Variants in MSRA observed in about 807,000 individuals in gnomAD.
MSRA encodes mitochondrial peptide methionine sulfoxide reductase.
Under a neutral mutation model 31.3 loss-of-function variants are expected in MSRA, and 54 were observed. The observed-to-expected ratio is 1.73, with a 90% confidence interval of 1.39 to 2.17. The LOEUF (loss-of-function observed/expected upper bound fraction) is 2.17. Ranked by LOEUF, MSRA falls within the 30% of genes most tolerant of loss-of-function variation. The pLI is 0.00. For missense variants in MSRA, 507 were observed against 300.9 expected, an observed-to-expected ratio of 1.69 and a Z score of -5.07; for synonymous variants, 169 against 116.5, an observed-to-expected ratio of 1.45 and a Z score of -2.90.
chr8:10,212,469 C>T (rs1407519613), intron 2 of MSRA, among the ~76,000 whole-genome samples: 1 of 152,090 alleles, frequency 6.6e-6, no homozygotes, highest in Non-Finnish European at 1.5e-5. Flanking sequence ...GAAAAAATTG[C>T]AATGACATAG....
At chr8:10,252,219 A>C (rs1451133465) in intron 3 of MSRA, among the ~76,000 whole-genome samples, 1 of 152,212 alleles carries the variant, frequency 6.6e-6, no homozygotes, top group East Asian at 1.9e-4. Context: ...AGGGTTGAAA[A>C]TGTGCTTGTC....
At chr8:10,338,538 T>C (rs1185055293) in intron 5 of MSRA, among the ~76,000 whole-genome samples, 1 of 152,238 alleles carries the variant, frequency 6.6e-6, no homozygotes, top group Non-Finnish European at 1.5e-5. Context: ...TTGGCTTTGC[T>C]AACTGGCTTC....
intron 5 of MSRA, among the ~76,000 whole-genome samples, chr8:10,331,107 G>A (rs13249929): frequency 0.3 from 44,996 of 152,116 alleles, 7,059 homozygotes; most frequent in East Asian, 0.4. Flanking sequence ...CCTGAGAAGA[G>A]GACTTGGAAT....
chr8:10,148,939 T>C (rs1025308456), intron 1 of MSRA, among the ~76,000 whole-genome samples: 8 of 147,050 alleles, frequency 5.4e-5, no homozygotes, highest in Admixed American at 2.1e-4. Context: ...ATCTGGCGAT[T>C]GTGTGTGTCG....
intron 3 of MSRA, among the ~76,000 whole-genome samples, chr8:10,254,880 G>A (rs1188086896): frequency 6.6e-6 from 1 of 152,216 alleles, no homozygotes; most frequent in African/African-American, 2.4e-5. Flanking sequence ...TAGAGATCTG[G>A]AAGCGTTTAG....
At chr8:10,340,539 G>C (rs911516647) in intron 5 of MSRA, among the ~76,000 whole-genome samples, 1 of 152,180 alleles carries the variant, frequency 6.6e-6, no homozygotes, top group Non-Finnish European at 1.5e-5. Flanking sequence ...CGCCCAGCTA[G>C]TTTTTGTATT....
chr8:10,378,487 A>T (rs1267968284), intron 5 of MSRA, among the ~76,000 whole-genome samples: 1 of 152,206 alleles, frequency 6.6e-6, no homozygotes, highest in Non-Finnish European at 1.5e-5. Flanking sequence ...TGGCATCTCC[A>T]GTGACCTTGC....
intron 1 of MSRA, chr8:10,095,759 A>G (rs1156500671): frequency 5.2e-6 from 6 of 1,147,838 alleles, no homozygotes; most frequent in African/African-American, 1.6e-5. Context: ...CTCTTGGGCT[A>G]TTTGAAAGTG....
intron 5 of MSRA, among the ~76,000 whole-genome samples, chr8:10,341,445 C>A (rs1195349422): frequency 6.6e-6 from 1 of 152,218 alleles, no homozygotes; most frequent in Non-Finnish European, 1.5e-5. Context: ...CCAAGCCATT[C>A]ATGAAGCATC....
intron 2 of MSRA, among the ~76,000 whole-genome samples, chr8:10,232,997 G>T (rs113458156): frequency 6.6e-5 from 10 of 152,196 alleles, no homozygotes; most frequent in Admixed American, 6.5e-4. Flanking sequence ...TCCTTCAGAA[G>T]TTCCTAGGGG....
intron 1 of MSRA, among the ~76,000 whole-genome samples, chr8:10,156,714 G>T (rs1804184229): frequency 6.6e-6 from 1 of 151,458 alleles, no homozygotes. Flanking sequence ...TGTGAATGCT[G>T]ATTCACTTCT....
intron 1 of MSRA, among the ~76,000 whole-genome samples, chr8:10,067,883 T>G (rs1585078664): frequency 1.6e-5 from 2 of 121,798 alleles, no homozygotes; most frequent in East Asian, 4.2e-4. Context: ...AGTTTTTTTT[T>G]TTTTTTTTTT....
chr8:10,100,096 G>A (rs1238182946), intron 1 of MSRA, among the ~76,000 whole-genome samples: 1 of 152,176 alleles, frequency 6.6e-6, no homozygotes, highest in Non-Finnish European at 1.5e-5. Context: ...GGCCTTTGAG[G>A]GAGCAAGGGT....
intron 5 of MSRA, chr8:10,337,151 C>G (rs2129147704): frequency 6.5e-6 from 1 of 152,694 alleles, no homozygotes; most frequent in Admixed American, 6.5e-5. Flanking sequence ...ACTGCTGTCG[C>G]TAGGCCAGCA....
At chr8:10,375,170 C>G (rs547343324) in intron 5 of MSRA, among the ~76,000 whole-genome samples, 1 of 152,344 alleles carries the variant, frequency 6.6e-6, no homozygotes, top group African/African-American at 2.4e-5. Flanking sequence ...TGTACAGCCA[C>G]AAATCTGCTC....
chr8:10,230,339 G>A (rs56198596), intron 2 of MSRA, among the ~76,000 whole-genome samples: 1 of 152,058 alleles, frequency 6.6e-6, no homozygotes, highest in Non-Finnish European at 1.5e-5. Flanking sequence ...ATGGCACTGG[G>A]TGGATGGGCA....
chr8:10,382,300 C>A (rs1563416137), intron 5 of MSRA, among the ~76,000 whole-genome samples: 1 of 152,176 alleles, frequency 6.6e-6, no homozygotes, highest in Non-Finnish European at 1.5e-5. Context: ...CCCTCAGATA[C>A]CCTCCTGCAC....
intron 1 of MSRA, among the ~76,000 whole-genome samples, chr8:10,154,983 T>A (rs1804020613): frequency 7.0e-6 from 1 of 142,148 alleles, no homozygotes; most frequent in Non-Finnish European, 1.5e-5. Flanking sequence ...TTTTAATAGT[T>A]TGATAATGTG....
At chr8:10,181,443 T>G (rs1191294655) in intron 1 of MSRA, among the ~76,000 whole-genome samples, 1 of 131,730 alleles carries the variant, frequency 7.6e-6, no homozygotes. Context: ...ATAATAAAAT[T>G]AAAAAAAAAA....
Sources: gnomAD v4.1 joint callset for allele counts (sites outside exome capture counted in the v4.1 genomes callset) on GRCh38, gnomAD v4.1.1 for gene constraint, MANE v1.5 for transcripts, NCBI Gene and HGNC (gene_info 2026-07-23, HGNC 2026-07-21) for gene names.